The following FRMD4A variants were observed in gnomAD, a reference collection of about 807,000 sequenced individuals.
FRMD4A encodes the protein FERM domain-containing protein 4A.
In FRMD4A, 29 loss-of-function variants were observed where a neutral mutation model predicts 129.1. The ratio of observed to expected loss-of-function variants is 0.22; its 90% CI spans 0.17 to 0.31. FRMD4A has a LOEUF of 0.31. Ranked by LOEUF, FRMD4A falls within the 10% of genes least tolerant of loss-of-function variation. The pLI is 1.00. For synonymous variants in FRMD4A, 634 were observed against 571.6 expected (o/e 1.11, Z -1.56); for missense variants, 1,272 against 1,375.8 (o/e 0.92, Z 1.19).
At chr10:14,199,461 C>T (rs561104480) in intron 2 of FRMD4A, among the ~76,000 whole-genome samples, 19 of 151,956 alleles carry the variant, frequency 1.3e-4, no homozygotes, top group Non-Finnish European at 4.4e-5. Flanking sequence ...TCAATCTCAA[C>T]TCACTGCAAT....
intron 2 of FRMD4A, among the ~76,000 whole-genome samples, chr10:14,185,520 G>A (rs903288840): frequency 4.0e-5 from 6 of 149,406 alleles, no homozygotes; most frequent in East Asian, 1.9e-4. Context: ...TTGGAGGTTT[G>A]TTGTAGAACT....
intron 2 of FRMD4A, among the ~76,000 whole-genome samples, chr10:14,112,808 G>A (rs914475701): frequency 6.6e-6 from 1 of 152,240 alleles, no homozygotes; most frequent in Non-Finnish European, 1.5e-5. Context: ...TTACAGGCAT[G>A]AGCCACTGTG....
chr10:13,767,228 C>T (rs1345163241), intron 6 of FRMD4A, among the ~76,000 whole-genome samples: 1 of 152,036 alleles, frequency 6.6e-6, no homozygotes, highest in Non-Finnish European at 1.5e-5. Context: ...CTCCAGTGGT[C>T]CAGAGGTGGC....
At chr10:14,121,650 G>T (rs190640169) in intron 2 of FRMD4A, among the ~76,000 whole-genome samples, 140 of 152,224 alleles carry the variant, frequency 9.2e-4, no homozygotes, top group African/African-American at 3.3e-3. Flanking sequence ...CAAACAGGTC[G>T]CTCCCTCCTC....
chr10:13,995,133 T>A (rs1375200212), intron 2 of FRMD4A, among the ~76,000 whole-genome samples: 1 of 152,184 alleles, frequency 6.6e-6, no homozygotes, highest in Non-Finnish European at 1.5e-5. Context: ...ACATGAGACA[T>A]GTTTCTCTTA....
intron 3 of FRMD4A, among the ~76,000 whole-genome samples, chr10:13,842,766 C>G (rs2093986376): frequency 6.6e-6 from 1 of 152,162 alleles, no homozygotes; most frequent in Non-Finnish European, 1.5e-5. Context: ...TTATTCAAGG[C>G]TGCAGTGAGC....
chr10:13,746,189 G>A (rs2091280630), intron 9 of FRMD4A, among the ~76,000 whole-genome samples: 1 of 152,052 alleles, frequency 6.6e-6, no homozygotes, highest in Non-Finnish European at 1.5e-5. Context: ...TCAGAGAGAT[G>A]TGATTTATGA....
At chr10:13,805,204 C>T (rs892971204) in intron 4 of FRMD4A, among the ~76,000 whole-genome samples, 1 of 151,428 alleles carries the variant, frequency 6.6e-6, no homozygotes, top group Non-Finnish European at 1.5e-5. Context: ...AGAGCAGTGG[C>T]GCAATCATAG....
chr10:13,956,283 G>A (rs2095409817), intron 2 of FRMD4A, among the ~76,000 whole-genome samples: 1 of 152,192 alleles, frequency 6.6e-6, no homozygotes, highest in South Asian at 2.1e-4. Flanking sequence ...CTCCTGGGTA[G>A]CTGGGACTGC....
chr10:14,303,890 G>T (rs1310035906), intron 2 of FRMD4A, among the ~76,000 whole-genome samples: 1 of 152,012 alleles, frequency 6.6e-6, no homozygotes, highest in African/African-American at 2.4e-5. Context: ...TATGCTATTT[G>T]TCCTTTTGTG....
chr10:13,975,471 GTGTC>G (rs941017909), intron 2 of FRMD4A, among the ~76,000 whole-genome samples: 9 of 151,940 alleles, frequency 5.9e-5, no homozygotes, highest in Non-Finnish European at 1.3e-4. Flanking sequence ...TGTCTATTAT[GTGTC>G]TGTGTGTCAT....
intron 8 of FRMD4A, chr10:13,755,923 G>A (rs1291365163): frequency 1.3e-5 from 2 of 152,192 alleles, no homozygotes; most frequent in Admixed American, 1.3e-4. Flanking sequence ...TAGACACAGG[G>A]TCCCTTCCAT....
chr10:14,317,236 T>G (rs1382969744), intron 2 of FRMD4A, among the ~76,000 whole-genome samples: 1 of 152,214 alleles, frequency 6.6e-6, no homozygotes, highest in Non-Finnish European at 1.5e-5. Flanking sequence ...ATTTCGTGTC[T>G]GCCCCCAGCC....
intron 2 of FRMD4A, among the ~76,000 whole-genome samples, chr10:14,108,336 C>T (rs565570187): frequency 6.6e-6 from 1 of 152,200 alleles, no homozygotes. Context: ...TTTGAGCAGA[C>T]TATTCAGCAG....
At chr10:13,757,621 CA>C (rs2091917388) in intron 8 of FRMD4A, among the ~76,000 whole-genome samples, 2 of 152,202 alleles carry the variant, frequency 1.3e-5, no homozygotes, top group South Asian at 4.1e-4. Flanking sequence ...ATCTGCTGAG[CA>C]AAACAGAGAG....
intron 2 of FRMD4A, among the ~76,000 whole-genome samples, chr10:13,997,300 T>C (rs1216078565): frequency 6.6e-6 from 1 of 152,172 alleles, no homozygotes; most frequent in African/African-American, 2.4e-5. Context: ...TTGGCCTTAG[T>C]TGTAATAATC....
intron 6 of FRMD4A, among the ~76,000 whole-genome samples, chr10:13,768,155 G>A (rs930917753): frequency 5.3e-5 from 8 of 151,998 alleles, no homozygotes; most frequent in Non-Finnish European, 8.8e-5. Context: ...CTCCCACGCC[G>A]TGTTGTTTTA....
At chr10:13,857,641 G>A (rs190475912) in intron 3 of FRMD4A, among the ~76,000 whole-genome samples, 22 of 152,250 alleles carry the variant, frequency 1.4e-4, no homozygotes, top group African/African-American at 4.3e-4. Flanking sequence ...GTCTGCATGC[G>A]AGTTTCCCCT....
chr10:14,256,273 G>A (rs1158481477), intron 2 of FRMD4A, among the ~76,000 whole-genome samples: 1 of 152,002 alleles, frequency 6.6e-6, no homozygotes, highest in Non-Finnish European at 1.5e-5. Flanking sequence ...AAGCTTTAAT[G>A]AAAGATATAA....
Sources: gnomAD v4.1 joint callset for allele counts (sites outside exome capture counted in the v4.1 genomes callset) on GRCh38, gnomAD v4.1.1 for gene constraint, MANE v1.5 for transcripts, NCBI Gene and HGNC (gene_info 2026-07-23, HGNC 2026-07-21) for gene names.